HAP1: variants seen among roughly 807,000 people sequenced by gnomAD.
The protein encoded by HAP1 is huntingtin-associated protein 1.
Under a neutral mutation model 60.3 loss-of-function variants are expected in HAP1, and 59 were observed. The observed-to-expected ratio is 0.98, with a 90% CI of 0.79 to 1.22. HAP1 has a LOEUF of 1.22. HAP1 is among the 50% of genes most tolerant of loss of function. The pLI, the probability that HAP1 is intolerant of heterozygous loss-of-function variation, is 0.00. For synonymous variants in HAP1, 346 were observed against 330.6 expected (o/e 1.05, Z -0.50); for missense variants, 825 against 785.3 (o/e 1.05, Z -0.60).
intron 2 of HAP1, 52 bp from the exon 3 acceptor site, chr17:41,732,446 C>A: frequency 6.3e-7 from 1 of 1,579,902 alleles, no homozygotes; most frequent in East Asian, 2.3e-5. Flanking sequence ...GAGAACCTTC[C>A]CCATCCCCTA....
intron 1 of HAP1, among the ~76,000 whole-genome samples, 174 bp downstream of exon 1, chr17:41,733,992 G>A (rs1555591832): frequency 6.6e-6 from 1 of 152,204 alleles, no homozygotes; most frequent in Non-Finnish European, 1.5e-5. Flanking sequence ...GACAAGAGCA[G>A]AGGAGGAGAT....
At chr17:41,733,507 ACCCC>A (rs1912432505) in intron 1 of HAP1, among the ~76,000 whole-genome samples, 1 of 150,580 alleles carries the variant, frequency 6.6e-6, no homozygotes, top group Admixed American at 6.6e-5. Context: ...CTGGCTCATC[ACCCC>A]CTACCCAGGA....
In HAP1 at chr17:41,724,693, CTCTCT is replaced by C. The variant is rs1169650233; in HGVS notation, c.*3_*7del. On this transcript the variant is annotated 3_prime_UTR_variant, in exon 11 of 11. Transcript: ENST00000347901. ...TGAGCACTCGGGGAGCTTATCCACCCTCTCTTTTCATCGGCACGACGATCTGCAGC... is the reference window on the plus strand; with the variant it reads ...TGAGCACTCGGGGAGCTTATCCACCCTTTCATCGGCACGACGATCTGCAGC... 6.3e-7 allele frequency: 1 copy of C among 1,579,156 alleles called. No homozygotes were observed. Among genetic ancestry groups the C allele is most frequent in the Non-Finnish European group, 8.6e-7 (1 of 1,157,346 alleles).
At position 41,728,194 on chromosome 17, in the gene HAP1, G is replaced by A. The variant is rs200052818; in HGVS notation, c.1200+7C>T. ...CGACAAGAGGGTTCCACACACACCC[G>A]ACTCACCATCCGGCAGCGCTGCTGC... On this transcript the variant is annotated splice_region_variant and intron_variant, in intron 7 of 10. Transcript: ENST00000347901. The A allele has an allele frequency of 6.2e-4, 993 of 1,609,368 alleles. 5 individuals carry two copies. Among genetic ancestry groups the A allele is most frequent in the Middle Eastern group, 3.3e-4 (2 of 6,084 alleles).
In HAP1 at chr17:41,723,019, G is replaced by A. The variant is rs1429327366; in HGVS notation, c.*1682C>T. On this transcript the variant is annotated 3_prime_UTR_variant, in exon 11 of 11. Coordinates refer to ENST00000347901, the MANE Select transcript of HAP1 (RefSeq NM_177977.3). ...CTGAGAAGAAAGGATGAAGAACAGG[G>A]AAGACAGCCAGGTCCCTCAAGTCAA... 6.6e-6 allele frequency: 1 copy of A among 152,474 alleles called. No individual in the cohort carries two copies. Among genetic ancestry groups the A allele is most frequent in the Non-Finnish European group, 1.5e-5 (1 of 68,268 alleles). 9.4% of individuals were successfully genotyped at this position (152,474 alleles called of 1,614,324 possible).
chr17:41,718,893 A>C (rs193283519), downstream of HAP1, among the ~76,000 whole-genome samples: 74 of 151,864 alleles, frequency 4.9e-4, no homozygotes, highest in African/African-American at 1.6e-3. Flanking sequence ...TGCTCTGAAC[A>C]CAAGAGTACT....
chr17:41,724,782 C>A lies in HAP1; in HGVS notation c.1779G>T (p.Trp593Cys), dbSNP rs1181806720. 1 of 1,611,194 alleles carries A rather than the reference C, an allele frequency of 6.2e-7. No homozygotes were observed. The highest frequency in any genetic ancestry group is 1.7e-5 in the Admixed American group (1 of 59,960). ...GGCACTCACCTTTCTGGAGCATCTT[C>A]CACCTCAGCTGCCGCCTGTAATGGG... ...QDAHYRRQLR[W>C]KMLQKGECPH... Residue 593 changes from tryptophan (W) to cysteine (C), a missense_variant, in exon 11 of 11, where the codon TGG becomes TGT. Transcript: ENST00000347901.
At chr17:41,726,905 T>C in intron 9 of HAP1, 148 bp downstream of exon 9, 2 of 598,576 alleles carry the variant, frequency 3.3e-6, no homozygotes, top group East Asian at 2.8e-5. Context: ...TGGGTCCATA[T>C]TCATAGAGAA....
Position 41,724,739 on chromosome 17 carries a change from C to A in HAP1, c.1822G>T (p.Ala608Ser). 1 of 1,595,380 alleles carries A rather than the reference C, an allele frequency of 6.3e-7. No homozygotes were observed. The highest frequency in any genetic ancestry group is 8.6e-7 in the Non-Finnish European group (1 of 1,165,558). ...GATCTGCAGCTTGTCCGGCTGGCGG[C>A]AGGGAGGGCCCCGTGGGGGCACTCA... Reference protein sequence around the residue: ...KGECPHGALPAASRTSCRSSC... With the variant: ...KGECPHGALPSASRTSCRSSC... The change falls in exon 11 of 11, where the codon GCC becomes TCC. Residue 608 changes from alanine (A) to serine (S), a missense_variant. Ala to Ser is a moderately conservative substitution (Grantham distance 99). Transcript: ENST00000347901.
rs1370900194 is a variant in HAP1 at position 41,724,345 on chromosome 17, C to T, written c.*356G>A. 5 of 169,372 alleles carry T rather than the reference C, an allele frequency of 3.0e-5. No individual in the cohort carries two copies. The highest frequency in any genetic ancestry group is 5.8e-5 in the Admixed American group (1 of 17,286). The allele number at this position is 169,372 out of a possible 1,614,324, so 10.5% of individuals were successfully genotyped here. A position where few individuals can be genotyped will look rare whatever the true frequency, so the allele number is the denominator to read the frequency against. On this transcript the variant is annotated 3_prime_UTR_variant, in exon 11 of 11. Transcript: ENST00000347901. Reference sequence around the variant, plus strand: ...CGGGCTGCTCCACCATCCCACCCACCGCCCCCCGTGTTTGTTTTGACTGCT... The same window carrying T: ...CGGGCTGCTCCACCATCCCACCCACTGCCCCCCGTGTTTGTTTTGACTGCT...
chr17:41,731,230 A>G (rs1358381666), intron 6 of HAP1, among the ~76,000 whole-genome samples: 1 of 152,146 alleles, frequency 6.6e-6, no homozygotes, highest in Non-Finnish European at 1.5e-5. Context: ...CAATTTCTGT[A>G]TAGCTCTTTA....
downstream of HAP1, among the ~76,000 whole-genome samples, chr17:41,719,017 C>T (rs1911092396): frequency 6.6e-6 from 1 of 152,050 alleles, no homozygotes; most frequent in Non-Finnish European, 1.5e-5. Context: ...CTTGCTCTGT[C>T]ACCCAGGCTG....
At chr17:41,732,190 T>A in intron 3 of HAP1, 40 bp downstream of exon 3, 1 of 1,610,126 alleles carries the variant, frequency 6.2e-7, no homozygotes, top group Non-Finnish European at 8.5e-7. Flanking sequence ...ATGAGGCAGG[T>A]GTAGATTGGC....
Position 41,727,778 on chromosome 17 carries a change from A to G in HAP1, c.1259T>C (p.Met420Thr). Residue 420 changes from methionine to threonine, a missense_variant, in exon 8 of 11, where the codon ATG (methionine) becomes ACG (threonine). By Grantham distance (81) the Met-to-Thr change is moderately conservative (BLOSUM62 -1). Coordinates refer to ENST00000347901, the MANE Select transcript of HAP1 (RefSeq NM_177977.3). ...GAGACTCACCTCTTCCTGGAGCTGC[A>G]TCTGGATTTCCTTCTCCGAAGCCAG... The part of the protein sequence containing the change: ...KQLASEKEIQ[M>T]QLQEEETLPG... The G allele has an allele frequency of 6.2e-7, 1 of 1,611,044 alleles. No homozygotes were observed. The highest frequency in any genetic ancestry group is 8.5e-7 in the Non-Finnish European group (1 of 1,177,900).
At chr17:41,725,716 C>G (rs1238768915) in intron 10 of HAP1, 143 bp downstream of exon 10, 1 of 700,894 alleles carries the variant, frequency 1.4e-6, no homozygotes, top group Non-Finnish European at 2.5e-6. Flanking sequence ...TGGGGCAGCT[C>G]CTTCCCAGAA....
chr17:41,718,703 A>G (rs1911079129), downstream of HAP1, among the ~76,000 whole-genome samples: 1 of 152,228 alleles, frequency 6.6e-6, no homozygotes, highest in Non-Finnish European at 1.5e-5. Flanking sequence ...GTTGTCTCCG[A>G]CTTGTTCCAG....
chr17:41,733,036 T>TG (rs200990497), intron 1 of HAP1, among the ~76,000 whole-genome samples: 10 of 44,502 alleles, frequency 2.2e-4, no homozygotes, highest in African/African-American at 9.9e-4. Flanking sequence ...GGGTTTTTTT[T>TG]GGTTTTTTTT....
downstream of HAP1, among the ~76,000 whole-genome samples, chr17:41,718,674 A>T (rs1555586437): frequency 6.6e-6 from 1 of 152,254 alleles, no homozygotes; most frequent in African/African-American, 2.4e-5. Flanking sequence ...GTGCCACTCC[A>T]GGCTGAAAGG....
downstream of HAP1, chr17:41,717,799 C>G (rs2143148965): frequency 6.9e-6 from 2 of 288,386 alleles, no homozygotes; most frequent in Admixed American, 3.7e-5. Context: ...GGGAGCGTGA[C>G]AAGTCCCTCC....
Sources: allele counts gnomAD v4.1 joint callset (sites outside exome capture counted in the v4.1 genomes callset), GRCh38; gene constraint gnomAD v4.1.1; transcripts MANE v1.5; gene names NCBI Gene and HGNC (gene_info 2026-07-23, HGNC 2026-07-21).